Variants in PCDH15 observed in about 807,000 individuals in gnomAD.
PCDH15 encodes protocadherin-15.
PCDH15 carries 129 observed loss-of-function variants against 178.5 expected under a neutral mutation model. That is an observed-to-expected ratio of 0.72 (90% CI 0.63 to 0.84). The LOEUF is 0.84. Among genes scored for constraint, PCDH15 ranks in the 40% least tolerant of loss-of-function variants. The pLI is 0.00. For synonymous variants in PCDH15, 800 were observed against 732.0 expected (o/e 1.09, Z -1.50); for missense variants, 2,230 against 2,099.9 (o/e 1.06, Z -1.21).
In PCDH15 at chr10:55,336,124, GAAAAAAAAAAAAAAAAA is replaced by G. The variant is rs748988261; in HGVS notation, c.-155-169490_-155-169474del. ...CCCAAAATATGGCACCTTGGTATTT[GAAAAAAAAAAAAAAAAA>G]AAAAAAAAAAAAACAGTAGAAGTTG... On this transcript the variant is annotated intron_variant, in intron 2 of 5. Coordinates refer to the PCDH15 transcript ENST00000613346. 1.9e-4 allele frequency among the ~76,000 whole-genome samples: 11 copies of G among 59,292 alleles called. No individual in the cohort carries two copies. The Admixed American group carries it at 2.1e-3, about 11-fold the overall frequency. The allele number at this position is 59,292 out of a possible 152,430, so 38.9% of individuals were successfully genotyped here.
intron 2 of PCDH15, among the ~76,000 whole-genome samples, chr10:55,140,176 T>C (rs938022206): frequency 3.3e-4 from 50 of 151,968 alleles, no homozygotes; most frequent in Non-Finnish European, 4.0e-4. Context: ...TTCAATTTTG[T>C]AGATTCTTTA....
Position 53,903,302 on chromosome 10 carries a change from A to T in PCDH15, c.3442T>A (p.Phe1148Ile), listed in dbSNP as rs189940190. ...TCTTCAGATACACCTCCGATGTAGA[A>T]TTTTTTCTGAAACACTGGGGGATGA... ...NNHPPVFQKK[F>I]YIGGVSEDAR... is the part of the protein sequence containing the mutation. The change falls in exon 26 of 38, where the codon TTC becomes ATC. Residue 1148 changes from phenylalanine to isoleucine, a missense_variant. Transcript: ENST00000644397. The T allele has an allele frequency of 6.2e-7, 1 of 1,613,214 alleles. No individual in the cohort carries two copies. The highest frequency in any genetic ancestry group is 1.7e-5 in the Admixed American group (1 of 59,996).
intron 6 of PCDH15, among the ~76,000 whole-genome samples, chr10:54,339,439 A>C (rs1361712): frequency 0.33 from 49,874 of 152,040 alleles, 9,292 homozygotes; most frequent in African/African-American, 0.51. Context: ...AAATGCCCCT[A>C]ATTAAAGGCC....
At chr10:55,336,588 T>C (rs1205349699) in intron 2 of PCDH15, among the ~76,000 whole-genome samples, 1 of 152,166 alleles carries the variant, frequency 6.6e-6, no homozygotes, top group Non-Finnish European at 1.5e-5. Flanking sequence ...GTCTGTCCTA[T>C]CCTAAACGTG....
intron 1 of PCDH15, among the ~76,000 whole-genome samples, chr10:55,220,178 A>G (rs1003183572): frequency 1.3e-5 from 2 of 152,068 alleles, no homozygotes; most frequent in African/African-American, 4.8e-5. Context: ...GTGACTTATC[A>G]TAATGGTACC....
chr10:54,337,652 C>T (rs976730870), intron 6 of PCDH15, among the ~76,000 whole-genome samples: 2 of 152,164 alleles, frequency 1.3e-5, no homozygotes, highest in Non-Finnish European at 2.9e-5. Flanking sequence ...GCCATCCCTA[C>T]ACTGGCCCTT....
At chr10:54,528,188 T>A (rs1416727202) in intron 2 of PCDH15, among the ~76,000 whole-genome samples, 1 of 151,534 alleles carries the variant, frequency 6.6e-6, no homozygotes, top group African/African-American at 2.4e-5. Context: ...CCCAAAGAAA[T>A]AACAGAAAGG....
chr10:54,918,071 G>C (rs1161964388), intron 2 of PCDH15, among the ~76,000 whole-genome samples: 1 of 150,622 alleles, frequency 6.6e-6, no homozygotes, highest in African/African-American at 2.4e-5. Flanking sequence ...CCTTATTTAT[G>C]TTAAACACAT....
At chr10:55,575,122 C>G (rs1426206631) in intron 2 of PCDH15, among the ~76,000 whole-genome samples, 2 of 152,062 alleles carry the variant, frequency 1.3e-5, no homozygotes, top group Non-Finnish European at 2.9e-5. Context: ...CAGTTAACCT[C>G]CATCTATAAC....
intron 2 of PCDH15, among the ~76,000 whole-genome samples, chr10:55,326,953 G>T (rs978803653): frequency 5.3e-5 from 8 of 152,064 alleles, no homozygotes; most frequent in Non-Finnish European, 8.8e-5. Flanking sequence ...TGTATTTCTA[G>T]ACATAGACCT....
chr10:54,522,135 A>T (rs540581125), intron 3 of PCDH15, among the ~76,000 whole-genome samples: 1 of 151,048 alleles, frequency 6.6e-6, no homozygotes, highest in Non-Finnish European at 1.5e-5. Flanking sequence ...TGTGATTGTG[A>T]ACAAACATCT....
intron 3 of PCDH15, among the ~76,000 whole-genome samples, chr10:54,825,574 T>C (rs58166749): frequency 0.021 from 3,132 of 148,504 alleles, 108 homozygotes; most frequent in African/African-American, 0.075. Flanking sequence ...TTCTAACTGG[T>C]GTGAGATGGT....
chr10:54,169,091 C>T (rs1455680112), intron 13 of PCDH15, among the ~76,000 whole-genome samples: 11 of 152,008 alleles, frequency 7.2e-5, no homozygotes, highest in South Asian at 2.1e-4. Context: ...CCTCCTAAGC[C>T]GCGTCCCATC....
At chr10:54,439,640 C>T (rs1032175470) in intron 3 of PCDH15, among the ~76,000 whole-genome samples, 1 of 151,970 alleles carries the variant, frequency 6.6e-6, no homozygotes, top group African/African-American at 2.4e-5. Context: ...GATGCTGTAG[C>T]TGTTCTTTAT....
rs573191863 is a variant in PCDH15, at chr10:54,465,306, G to C, written c.157+62506C>G. ...ATTTAGAAATATACAGTACATTGTTGTTTAGTAACTAAAGTTTACTCTCAA... is the reference window on the plus strand; with the variant it reads ...ATTTAGAAATATACAGTACATTGTTCTTTAGTAACTAAAGTTTACTCTCAA... On this transcript the variant is annotated intron_variant, in intron 3 of 37. Coordinates refer to ENST00000644397, the MANE Select transcript of PCDH15 (RefSeq NM_001384140.1). 2.0e-5 allele frequency among the ~76,000 whole-genome samples: 3 copies of C among 151,982 alleles called. No individual in the cohort carries two copies. The East Asian group carries it at 5.8e-4, about 29-fold the overall frequency.
intron 26 of PCDH15, among the ~76,000 whole-genome samples, chr10:53,893,496 C>A (rs554598657): frequency 6.6e-6 from 1 of 152,158 alleles, no homozygotes; most frequent in East Asian, 1.9e-4. Flanking sequence ...TACTTGCACA[C>A]ACGTTTATAG....
At chr10:54,742,587 A>G (rs1944950376) in intron 1 of PCDH15, among the ~76,000 whole-genome samples, 1 of 152,014 alleles carries the variant, frequency 6.6e-6, no homozygotes, top group African/African-American at 2.4e-5. Context: ...CTGAAGAGAC[A>G]ATAGATTTCC....
At chr10:55,380,715 CA>C (rs1837512649) in intron 2 of PCDH15, among the ~76,000 whole-genome samples, 1 of 152,164 alleles carries the variant, frequency 6.6e-6, no homozygotes, top group Non-Finnish European at 1.5e-5. Context: ...GCCAAGAATG[CA>C]AACATGATGC....
intron 2 of PCDH15, among the ~76,000 whole-genome samples, chr10:55,137,396 C>A (rs1838222539): frequency 6.6e-6 from 1 of 151,996 alleles, no homozygotes; most frequent in Non-Finnish European, 1.5e-5. Context: ...AAAGGCTACA[C>A]CATGTAGCCT....
Sources: allele counts gnomAD v4.1 joint callset (sites outside exome capture counted in the v4.1 genomes callset), GRCh38; gene constraint gnomAD v4.1.1; transcripts MANE v1.5; gene names NCBI Gene and HGNC (gene_info 2026-07-23, HGNC 2026-07-21).